Variants in AKAP6 observed in about 807,000 individuals in gnomAD.
The protein encoded by AKAP6 is A-kinase anchoring protein 6, also known as A-kinase anchor protein 6.
A neutral mutation model predicts 188.5 loss-of-function variants in AKAP6; 58 were observed. That is an observed-to-expected ratio of 0.31 (90% CI 0.25 to 0.38). The LOEUF (loss-of-function observed/expected upper bound fraction) is 0.38, where lower values mean the gene tolerates loss of function less well. AKAP6 is among the 10% of genes least tolerant of loss of function. The probability of loss-of-function intolerance (pLI) is 1.00; values close to 1 mark genes in which losing one functional copy is unlikely to be tolerated. For synonymous variants in AKAP6, 989 were observed against 998.6 expected (o/e 0.99, Z 0.18); for missense variants, 2,710 against 2,740.0 (o/e 0.99, Z 0.24).
chr14:32,592,481 A>C (rs1245796222), intron 5 of AKAP6, among the ~76,000 whole-genome samples: 2 of 152,172 alleles, frequency 1.3e-5, no homozygotes, highest in Non-Finnish European at 2.9e-5. Context: ...TGCCAGGCAG[A>C]AGTGCCAGCC....
In AKAP6 at chr14:32,787,773, A is replaced by G. The variant is rs1450455111; in HGVS notation, c.3588+13880A>G. 2.8e-4 allele frequency among the ~76,000 whole-genome samples: 42 copies of G among 152,180 alleles called. 3 individuals carry two copies. Among genetic ancestry groups the G allele is most frequent in the Admixed American group, 2.8e-3 (42 of 15,272 alleles). ...ATTTCTAGGTAAGCTTCAAATACCAAAAAGCTCTTTCAAAGTAATCTCCAA... is the reference window on the plus strand; with the variant it reads ...ATTTCTAGGTAAGCTTCAAATACCAGAAAGCTCTTTCAAAGTAATCTCCAA... On this transcript the variant is annotated intron_variant, in intron 12 of 13. Coordinates refer to ENST00000280979, the MANE Select transcript of AKAP6 (RefSeq NM_004274.5).
chr14:32,409,361 G>A (rs1948668158), intron 1 of AKAP6, among the ~76,000 whole-genome samples: 1 of 152,160 alleles, frequency 6.6e-6, no homozygotes, highest in Admixed American at 6.6e-5. Context: ...AGATGACAAA[G>A]GAGCCCAGAA....
chr14:32,439,087 CT>C (rs1413017872), intron 2 of AKAP6: 1 of 152,174 alleles, frequency 6.6e-6, no homozygotes, highest in African/African-American at 2.4e-5. Context: ...GGGTCTGTAT[CT>C]TTGATTGATT....
At position 32,605,089 on chromosome 14, in the gene AKAP6, C is replaced by T. The variant is rs185410700; in HGVS notation, c.2730+4297C>T. ...AACATGTGGTGTTTGGTTTTCTGTT[C>T]CTGTGTTAGTTTGCTGAGGATAATG... is the stretch of plus-strand genomic sequence containing the variant. On this transcript the variant is annotated intron_variant, in intron 7 of 13. Transcript: ENST00000280979. Among the ~76,000 whole-genome samples the T allele has an allele frequency of 2.3e-3, 357 of 152,138 alleles. 1 individual carries two copies. Among genetic ancestry groups the T allele is most frequent in the African/African-American group, 8.1e-3 (335 of 41,494 alleles).
chr14:32,426,073 G>T (rs989203890), intron 1 of AKAP6, among the ~76,000 whole-genome samples: 1 of 152,190 alleles, frequency 6.6e-6, no homozygotes. Flanking sequence ...TGGCTAGCCA[G>T]TTATCCCAGC....
rs142436842 is a variant in AKAP6 at position 32,340,584 on chromosome 14, A to G, written c.-35+11176A>G. ...GTTTGTTTAGTCTTAGGATTTTCCA[A>G]AAATCTGTTCCACAGAGTATTTTAA... On this transcript the variant is annotated intron_variant, in intron 1 of 13. Transcript: ENST00000280979. Among the ~76,000 whole-genome samples, 782 of 152,340 alleles carry G rather than the reference A, an allele frequency of 5.1e-3. 6 individuals carry two copies. Among genetic ancestry groups the G allele is most frequent in the African/African-American group, 0.018 (736 of 41,574 alleles).
At chr14:32,616,277 G>T (rs1001901123) in intron 7 of AKAP6, among the ~76,000 whole-genome samples, 1 of 152,066 alleles carries the variant, frequency 6.6e-6, no homozygotes, top group African/African-American at 2.4e-5. Flanking sequence ...AATATTAATC[G>T]TTCTATCATA....
rs137995795 is a variant in AKAP6, at chr14:32,558,443, A to T, written c.2346+11444A>T. Reference sequence around the variant, plus strand: ...AAGAAGATAATACAAATGTAGCTTGATGAAGCATCACAGGAGAGGGAATAC... The same window carrying T: ...AAGAAGATAATACAAATGTAGCTTGTTGAAGCATCACAGGAGAGGGAATAC... On this transcript the variant is annotated intron_variant, in intron 4 of 13. Coordinates refer to ENST00000280979, the MANE Select transcript of AKAP6 (RefSeq NM_004274.5). 1.0e-3 allele frequency among the ~76,000 whole-genome samples: 154 copies of T among 152,346 alleles called. 1 individual carries two copies. Among genetic ancestry groups the T allele is most frequent in the Middle Eastern group, 3.4e-3 (1 of 294 alleles).
At chr14:32,387,502 ATATT>A (rs1277736646) in intron 1 of AKAP6, among the ~76,000 whole-genome samples, 1 of 148,112 alleles carries the variant, frequency 6.8e-6, no homozygotes, top group Non-Finnish European at 1.5e-5. Flanking sequence ...ATATATTATG[ATATT>A]TATAATATAT....
intron 2 of AKAP6, among the ~76,000 whole-genome samples, chr14:32,534,957 C>T (rs1882599587): frequency 1.5e-5 from 2 of 133,670 alleles, no homozygotes; most frequent in Non-Finnish European, 3.1e-5. Context: ...AAGAGTGAAA[C>T]TCTATCTAAA....
rs1555365149 is a variant in AKAP6 at position 32,813,396 on chromosome 14, C to CCCA, written c.3589-8004_3589-8003insACC. 2.5e-5 allele frequency among the ~76,000 whole-genome samples: 3 copies of CCCA among 121,914 alleles called. No homozygotes were observed. The East Asian group carries it at 9.3e-4, about 38-fold the overall frequency. 80.0% of individuals were successfully genotyped at this position (121,914 alleles called of 152,430 possible). ...GTTTTCATCTCTAACCCTACCCCCC[C>CCCA]CCCCAACCCCTTTCCCAGAGGTCCT... On this transcript the variant is annotated intron_variant, in intron 12 of 13. Coordinates refer to ENST00000280979, the MANE Select transcript of AKAP6 (RefSeq NM_004274.5).
chr14:32,798,980 T>C (rs2033857628), intron 12 of AKAP6, among the ~76,000 whole-genome samples: 1 of 152,212 alleles, frequency 6.6e-6, no homozygotes, highest in Non-Finnish European at 1.5e-5. Context: ...AGTCAATGAA[T>C]GTTAATTGCT....
At chr14:32,510,387 T>TATAA (rs750763672) in intron 2 of AKAP6, among the ~76,000 whole-genome samples, 1 of 74,212 alleles carries the variant, frequency 1.3e-5, no homozygotes, top group Non-Finnish European at 2.6e-5. Flanking sequence ...TGTGTATATA[T>TATAA]ATATGTGTAT....
intron 1 of AKAP6, among the ~76,000 whole-genome samples, chr14:32,416,250 A>C (rs1315872785): frequency 6.6e-6 from 1 of 152,194 alleles, no homozygotes; most frequent in Non-Finnish European, 1.5e-5. Flanking sequence ...CATACCAGTC[A>C]GTATGAGGCA....
At chr14:32,761,786 A>C (rs1292891600) in intron 11 of AKAP6, among the ~76,000 whole-genome samples, 2 of 152,100 alleles carry the variant, frequency 1.3e-5, no homozygotes, top group South Asian at 2.1e-4. Context: ...ATACTGAATC[A>C]TTTCCTTCCT....
rs1257011711 is a variant in AKAP6 at position 32,546,733 on chromosome 14, G to C, written c.2080G>C (p.Gly694Arg). The change falls in exon 4 of 14, where the codon GGC (glycine) becomes CGC (arginine). Residue 694 changes from glycine (G) to arginine (R), a missense_variant. Physicochemically the swap from Gly to Arg is moderately radical, Grantham distance 125. This residue lies in a region of AKAP6 where 2,473 missense variants were observed against 2,426.1 expected (regional missense o/e 1.02). Coordinates refer to ENST00000280979, the MANE Select transcript of AKAP6 (RefSeq NM_004274.5). Reference sequence around the variant, plus strand: ...TGTCAAAAAGAAGCATACAAGGCTAGGCAGGGTGTCTCCAAGCTCATCTAG... The same window carrying C: ...TGTCAAAAAGAAGCATACAAGGCTACGCAGGGTGTCTCCAAGCTCATCTAG... ...YHVKKKHTRL[G>R]RVSPSSSSDI... 1 of 1,614,148 alleles carries C rather than the reference G, an allele frequency of 6.2e-7. No homozygotes were observed. The highest frequency in any genetic ancestry group is 1.1e-5 in the South Asian group (1 of 91,080).
intron 1 of AKAP6, among the ~76,000 whole-genome samples, chr14:32,390,865 T>G (rs8022711): frequency 0.28 from 42,096 of 152,050 alleles, 6,053 homozygotes; most frequent in East Asian, 0.5. Context: ...CAAGCCTCCA[T>G]ATGCTGCTCT....
intron 1 of AKAP6, among the ~76,000 whole-genome samples, chr14:32,409,167 T>G (rs1250688322): frequency 6.6e-6 from 1 of 152,114 alleles, no homozygotes; most frequent in Non-Finnish European, 1.5e-5. Flanking sequence ...ACCACTGCAC[T>G]CCAGCCTGGG....
At chr14:32,640,676 C>T (rs892415866) in intron 7 of AKAP6, among the ~76,000 whole-genome samples, 7 of 152,084 alleles carry the variant, frequency 4.6e-5, no homozygotes, top group Non-Finnish European at 8.8e-5. Flanking sequence ...AGATAACCCT[C>T]GATTGACTGA....
Sources: allele counts gnomAD v4.1 joint callset (sites outside exome capture counted in the v4.1 genomes callset), GRCh38; gene constraint gnomAD v4.1.1; regional missense constraint gnomAD v4.1.1; transcripts MANE v1.5; gene names NCBI Gene and HGNC (gene_info 2026-07-23, HGNC 2026-07-21).